The following VPS54 variants were observed in gnomAD, a reference collection of about 807,000 sequenced individuals.
VPS54 encodes VPS54 subunit of GARP complex.
Under a neutral mutation model 121.5 loss-of-function variants are expected in VPS54, and 45 were observed. The ratio of observed to expected loss-of-function variants is 0.37; its 90% CI spans 0.29 to 0.47. The LOEUF (loss-of-function observed/expected upper bound fraction) is 0.47. Ranked by LOEUF, VPS54 falls within the 20% of genes least tolerant of loss-of-function variation. The pLI is 0.99. For synonymous variants in VPS54, 371 were observed against 385.8 expected (o/e 0.96, Z 0.45); for missense variants, 1,090 against 1,131.4 (o/e 0.96, Z 0.52).
chr2:63,944,759 CAG>C (rs1186648061), intron 9 of VPS54, 104 bp from the exon 10 acceptor site: 8 of 903,040 alleles, frequency 8.9e-6, no homozygotes, highest in Non-Finnish European at 1.3e-5. Flanking sequence ...ACTATATGAA[CAG>C]ACACTTTTCA....
chr2:63,976,814 TTA>T (rs765234732), intron 3 of VPS54, among the ~76,000 whole-genome samples: 1,744 of 145,450 alleles, frequency 0.012, 16 homozygotes, highest in Non-Finnish European at 0.015. Context: ...TACTAGTAGC[TTA>T]TATCTTCTCT....
chr2:63,933,700 G>C lies in VPS54; in HGVS notation c.1712C>G (p.Ser571Cys). 6.2e-7 allele frequency: 1 copy of C among 1,613,248 alleles called. No individual in the cohort carries two copies. Among genetic ancestry groups the C allele is most frequent in the Non-Finnish European group, 8.5e-7 (1 of 1,179,696 alleles). Residue 571 changes from serine to cysteine, a missense_variant, in exon 12 of 23, where the codon TCT becomes TGT. Coordinates refer to ENST00000272322, the MANE Select transcript of VPS54 (RefSeq NM_016516.3). ...AATATCCACACCTCCTGGAATAGCA[G>C]ATGATGATGTGTGCTCTTTGCTGGA... ...SSSSKEHTSS[S>C]AIPGGVDIMV...
At chr2:63,947,821 T>C (rs900543825) in intron 8 of VPS54, among the ~76,000 whole-genome samples, 1 of 152,062 alleles carries the variant, frequency 6.6e-6, no homozygotes, top group Non-Finnish European at 1.5e-5. Context: ...CCATGGGCCC[T>C]GTGGGTTTTT....
intron 10 of VPS54, 151 bp downstream of exon 10, chr2:63,944,449 T>C: frequency 2.6e-6 from 2 of 760,100 alleles, no homozygotes; most frequent in Non-Finnish European, 4.3e-6. Flanking sequence ...TTAAGCACTG[T>C]CTTCGTTCCA....
intron 3 of VPS54, among the ~76,000 whole-genome samples, chr2:63,979,130 C>T (rs946625511): frequency 2.2e-4 from 32 of 145,306 alleles, no homozygotes; most frequent in African/African-American, 7.0e-4. Flanking sequence ...AATCAGTATG[C>T]CAAAGGCTTA....
intron 12 of VPS54, among the ~76,000 whole-genome samples, chr2:63,926,317 G>A (rs954607255): frequency 6.6e-6 from 1 of 152,090 alleles, no homozygotes; most frequent in Non-Finnish European, 1.5e-5. Flanking sequence ...TCTTTTTATA[G>A]CAGTTTTAGA....
At position 63,981,840 on chromosome 2, in the gene VPS54, G is replaced by C; in HGVS notation, c.184C>G (p.His62Asp). The C allele has an allele frequency of 1.2e-6, 2 of 1,613,474 alleles. No individual in the cohort carries two copies. The highest frequency in any genetic ancestry group is 1.7e-6 in the Non-Finnish European group (2 of 1,179,668). ...YVAPSLVTDQ[H>D]RWTVYHSKVN... ...TTGGAATGATATACAGTCCATCTAT[G>C]TTGATCTGTAACTAGAGATGGGGCA... Residue 62 changes from histidine (H) to aspartate (D), a missense_variant, in exon 3 of 23, where the codon CAT becomes GAT. This residue lies in a region of VPS54 where 801 missense variants were observed against 757.0 expected (regional missense o/e 1.06). Transcript: ENST00000272322.
chr2:63,894,937 G>C (rs1320362939), intron 22 of VPS54, among the ~76,000 whole-genome samples: 1 of 152,126 alleles, frequency 6.6e-6, no homozygotes, highest in Non-Finnish European at 1.5e-5. Context: ...TTACCTAAAG[G>C]CTGGGAGAAA....
chr2:63,984,870 A>G (rs1676969393), intron 1 of VPS54, among the ~76,000 whole-genome samples: 1 of 152,234 alleles, frequency 6.6e-6, no homozygotes, highest in South Asian at 2.1e-4. Context: ...TTGTTTTACT[A>G]CTGAAATGTT....
At chr2:63,991,903 T>C (rs1205612117) in intron 1 of VPS54, among the ~76,000 whole-genome samples, 1 of 152,162 alleles carries the variant, frequency 6.6e-6, no homozygotes, top group Admixed American at 6.5e-5. Context: ...ACGTTAGGGG[T>C]TGGGGCGGTC....
At chr2:63,909,167 A>G (rs1446294996) in intron 20 of VPS54, among the ~76,000 whole-genome samples, 1 of 152,232 alleles carries the variant, frequency 6.6e-6, no homozygotes, top group East Asian at 1.9e-4. Flanking sequence ...AACACTTTAC[A>G]TATATCCTAC....
chr2:63,920,408 GA>G (rs780218499), intron 14 of VPS54, 37 bp downstream of exon 14: 1 of 1,417,138 alleles, frequency 7.1e-7, no homozygotes, highest in South Asian at 1.8e-5. Context: ...AAAGAAAAAT[GA>G]AAAAATCAAA....
At chr2:63,940,646 A>T (rs1453587914) in intron 11 of VPS54, among the ~76,000 whole-genome samples, 1 of 152,216 alleles carries the variant, frequency 6.6e-6, no homozygotes, top group Non-Finnish European at 1.5e-5. Flanking sequence ...ATGAGTGAAA[A>T]AAATAGCTTT....
At chr2:63,942,836 G>T (rs754006777) in intron 10 of VPS54, among the ~76,000 whole-genome samples, 1 of 152,088 alleles carries the variant, frequency 6.6e-6, no homozygotes, top group African/African-American at 2.4e-5. Flanking sequence ...TAAGTGTGAA[G>T]ATATACTCTG....
chr2:63,940,658 G>A (rs1341378454), intron 11 of VPS54, among the ~76,000 whole-genome samples: 2 of 152,072 alleles, frequency 1.3e-5, no homozygotes, highest in Non-Finnish European at 2.9e-5. Flanking sequence ...AATAGCTTTG[G>A]TATAAGTTGT....
At position 63,949,084 on chromosome 2, in the gene VPS54, T is replaced by A. The variant is rs1437686119; in HGVS notation, c.1090A>T (p.Ser364Cys). ...TCTTCCAGTGGTCTATTTAAGTCAC[T>A]GTGAGAATAAGTAGAAAATTCTGCA... ...MIAEFSTYSHSDLNRPLEDDC... is the reference protein window; with the variant it reads ...MIAEFSTYSHCDLNRPLEDDC... The change falls in exon 8 of 23, where the codon AGT becomes TGT. Residue 364 changes from serine (S) to cysteine (C), a missense_variant. Physicochemically the swap from Ser to Cys is moderately radical, Grantham distance 112 (BLOSUM62 -1). Around this residue, in one of 2 missense-constraint regions of VPS54, gnomAD observed 801 missense variants for 757.0 expected, o/e 1.06. Coordinates refer to ENST00000272322, the MANE Select transcript of VPS54 (RefSeq NM_016516.3). The A allele has an allele frequency of 1.2e-6, 2 of 1,611,900 alleles. No individual in the cohort carries two copies. Among genetic ancestry groups the A allele is most frequent in the Non-Finnish European group, 8.5e-7 (1 of 1,179,188 alleles).
At chr2:63,996,705 A>G (rs1057176662) in intron 1 of VPS54, among the ~76,000 whole-genome samples, 1 of 152,182 alleles carries the variant, frequency 6.6e-6, no homozygotes, top group Non-Finnish European at 1.5e-5. Flanking sequence ...GGCCTCTAAA[A>G]TGGCCGCTCT....
intron 12 of VPS54, among the ~76,000 whole-genome samples, chr2:63,923,480 C>A (rs184386247): frequency 3.3e-5 from 5 of 152,208 alleles, no homozygotes; most frequent in Admixed American, 2.6e-4. Flanking sequence ...AAGTTCATAA[C>A]AGCACTATTC....
At chr2:63,984,900 G>C (rs987266402) in intron 1 of VPS54, among the ~76,000 whole-genome samples, 15 of 152,150 alleles carry the variant, frequency 9.9e-5, no homozygotes, top group African/African-American at 1.4e-4. Flanking sequence ...CCTAGTCTAA[G>C]TTCTCTCAAA....
Sources: allele counts gnomAD v4.1 joint callset (sites outside exome capture counted in the v4.1 genomes callset), GRCh38; gene constraint gnomAD v4.1.1; regional missense constraint gnomAD v4.1.1; transcripts MANE v1.5; gene names NCBI Gene and HGNC (gene_info 2026-07-23, HGNC 2026-07-21).